The following TRIM37 variants were observed in gnomAD, a reference collection of about 807,000 sequenced individuals.
TRIM37 encodes tripartite motif containing 37.
In TRIM37, 80 loss-of-function variants were observed where a neutral mutation model predicts 129.8. That is an observed-to-expected ratio of 0.62 (90% CI 0.51 to 0.74). The LOEUF is 0.74. Ranked by LOEUF, TRIM37 falls within the 30% of genes least tolerant of loss-of-function variation. The pLI, the probability that TRIM37 is intolerant of heterozygous loss-of-function variation, is 0.00. For missense variants in TRIM37, 1,054 were observed against 1,176.5 expected (o/e 0.90, Z 1.52); for synonymous variants, 389 against 387.1 (o/e 1.00, Z -0.06).
intron 24 of TRIM37, among the ~76,000 whole-genome samples, chr17:58,991,190 A>G (rs184047705): frequency 5.9e-5 from 9 of 151,656 alleles, no homozygotes; most frequent in South Asian, 4.2e-4. Flanking sequence ...AAAAAAAAAA[A>G]AAAGAAAAAA....
chr17:59,029,559 C>T (rs2037611518), intron 18 of TRIM37, among the ~76,000 whole-genome samples: 1 of 152,078 alleles, frequency 6.6e-6, no homozygotes, highest in Admixed American at 6.6e-5. Context: ...GACAAATGTT[C>T]ACTAAATATG....
chr17:59,006,791 A>C (rs1303469144), intron 22 of TRIM37, among the ~76,000 whole-genome samples: 1 of 152,150 alleles, frequency 6.6e-6, no homozygotes. Context: ...TGGGAGGCTG[A>C]GGCAGGAGAA....
chr17:59,020,203 C>T (rs1252665049), intron 19 of TRIM37, among the ~76,000 whole-genome samples: 4 of 125,174 alleles, frequency 3.2e-5, no homozygotes, highest in African/African-American at 6.1e-5. Context: ...TGCACTCCAG[C>T]CTGGTGGACA....
intron 12 of TRIM37, among the ~76,000 whole-genome samples, chr17:59,059,946 T>C (rs1827595259): frequency 6.6e-6 from 1 of 152,214 alleles, no homozygotes; most frequent in Admixed American, 6.5e-5. Context: ...AGTCACTCAC[T>C]ATTCCCTCTA....
intron 2 of TRIM37, among the ~76,000 whole-genome samples, chr17:59,103,594 C>T (rs969185814): frequency 4.6e-5 from 7 of 151,450 alleles, no homozygotes; most frequent in Non-Finnish European, 8.8e-5. Flanking sequence ...CCCGCCTCGG[C>T]CTCCCAAAGT....
intron 16 of TRIM37, among the ~76,000 whole-genome samples, chr17:59,046,929 C>T (rs868575692): frequency 2.7e-5 from 4 of 150,460 alleles, no homozygotes; most frequent in East Asian, 2.0e-4. Context: ...CCGAGGTGGA[C>T]GGATCATGAG....
At chr17:58,972,958 G>A in the TRIM37 span, 1 of 1,505,908 alleles carries the variant, frequency 6.6e-7, no homozygotes, top group Non-Finnish European at 9.2e-7. Flanking sequence ...TCTCCAAACT[G>A]TCCTCTTCTA....
rs779341321 is a variant in TRIM37 at position 59,081,102 on chromosome 17, C to A, written c.487G>T (p.Glu163Ter). The A allele has an allele frequency of 1.2e-6, 2 of 1,610,486 alleles. No homozygotes were observed. The highest frequency in any genetic ancestry group is 1.7e-6 in the Non-Finnish European group (2 of 1,177,642). Residue 163 changes from glutamate (E) to a stop codon, truncating the protein, a stop_gained, in exon 6 of 24, where the codon GAA becomes TAA. Coordinates refer to ENST00000262294, the MANE Select transcript of TRIM37 (RefSeq NM_015294.6). LOFTEE classifies it high-confidence loss of function. Reference sequence around the variant, plus strand: ...TATTTTAGTAGTAGTCTTACCACTTCTTGAACTAAGCTGATCAGTTCCATG... The same window carrying A: ...TATTTTAGTAGTAGTCTTACCACTTATTGAACTAAGCTGATCAGTTCCATG... ...RLMELISLVQ[E>*]VERNVEAVRN...
downstream of TRIM37, chr17:58,980,749 CAG>C: frequency 6.2e-7 from 1 of 1,614,132 alleles, no homozygotes; most frequent in Middle Eastern, 1.6e-4. The surrounding 1 kb of genome is among the most constrained non-coding windows in gnomAD (Gnocchi z 4.7). Context: ...CCCCGGGAAA[CAG>C]AGTTTCTAGA....
At chr17:59,072,090 A>T (rs888013326) in intron 8 of TRIM37, among the ~76,000 whole-genome samples, 1 of 152,152 alleles carries the variant, frequency 6.6e-6, no homozygotes, top group Non-Finnish European at 1.5e-5. Context: ...TAGGGCCTTA[A>T]TCTAACATGA....
Position 59,017,328 on chromosome 17 carries a change from C to A in TRIM37, c.2354G>T (p.Arg785Leu), listed in dbSNP as rs1185038735. 1 of 1,614,088 alleles carries A rather than the reference C, an allele frequency of 6.2e-7. No individual in the cohort carries two copies. Among genetic ancestry groups the A allele is most frequent in the East Asian group, 2.2e-5 (1 of 44,880 alleles). ...CAGAGTCTGACAGTCTCCCTTTGAA[C>A]GACTATTTTCTCCAGGGTCCACTGC... ...RRAVDPGENSRSKGDCQTLSE... is the reference protein window; with the variant it reads ...RRAVDPGENSLSKGDCQTLSE... Residue 785 changes from arginine to leucine, a missense_variant, in exon 20 of 24, where the codon CGT becomes CTT. Physicochemically the swap from Arg to Leu is moderately radical, Grantham distance 102. This residue lies in a region of TRIM37 where 287 missense variants were observed against 274.3 expected (regional missense o/e 1.05). Transcript: ENST00000262294.
intron 22 of TRIM37, among the ~76,000 whole-genome samples, chr17:59,010,490 G>A (rs556474736): frequency 6.6e-6 from 1 of 152,250 alleles, no homozygotes; most frequent in South Asian, 2.1e-4. Flanking sequence ...TGAAAAAAAT[G>A]AGCTTGTTAT....
the TRIM37 span, among the ~76,000 whole-genome samples, chr17:58,968,963 T>C: frequency 4.6e-5 from 7 of 152,328 alleles, no homozygotes; most frequent in African/African-American, 1.7e-4. Context: ...GTGCTATTTG[T>C]GGTGAGAATG....
chr17:59,061,209 T>C, intron 11 of TRIM37, 101 bp from the exon 12 acceptor site: 1 of 876,432 alleles, frequency 1.1e-6, no homozygotes, highest in Admixed American at 2.0e-5. Flanking sequence ...CTTCTAAGCC[T>C]CAAAGCAATG....
At chr17:58,984,617 T>G (rs3809723) in intron 24 of TRIM37, 58,135 of 152,450 alleles carry the variant, frequency 0.38, 11,292 homozygotes, top group Middle Eastern at 0.5. Context: ...CACGTGATGT[T>G]AAAGGACAAA....
chr17:59,082,530 A>C (rs1026678075), intron 5 of TRIM37, among the ~76,000 whole-genome samples: 1 of 152,218 alleles, frequency 6.6e-6, no homozygotes, highest in African/African-American at 2.4e-5. Context: ...TTGAAGAAAA[A>C]GCCCAGGATA....
chr17:59,078,192 A>G (rs1259566617), intron 7 of TRIM37, among the ~76,000 whole-genome samples: 1 of 152,186 alleles, frequency 6.6e-6, no homozygotes, highest in Non-Finnish European at 1.5e-5. Flanking sequence ...TCTGAGGCTT[A>G]TAAGACTATT....
chr17:58,978,733 C>T (rs1212600054), downstream of TRIM37, among the ~76,000 whole-genome samples: 2 of 152,026 alleles, frequency 1.3e-5, no homozygotes, highest in Non-Finnish European at 2.9e-5. Flanking sequence ...TTGAGAGTCC[C>T]TTGTTGTAGT....
At chr17:59,043,009 T>A (rs568823765) in intron 16 of TRIM37, among the ~76,000 whole-genome samples, 1 of 151,960 alleles carries the variant, frequency 6.6e-6, no homozygotes, top group East Asian at 1.9e-4. Context: ...ACATGTAGTG[T>A]TAGGCTTAAA....
Sources: gnomAD v4.1 joint callset for allele counts (sites outside exome capture counted in the v4.1 genomes callset) on GRCh38, gnomAD v4.1.1 for gene constraint, gnomAD v4.1.1 regional missense constraint, Gnocchi (gnomAD v3.1) non-coding constraint, MANE v1.5 for transcripts, NCBI Gene and HGNC (gene_info 2026-07-23, HGNC 2026-07-21) for gene names.